The following DMD variants were observed in gnomAD, a reference collection of about 807,000 sequenced individuals.
The protein encoded by DMD is mutant dystrophin.
DMD carries 63 observed loss-of-function variants against 330.1 expected under a neutral mutation model. The ratio of observed to expected loss-of-function variants is 0.19; its 90% CI spans 0.16 to 0.24. The LOEUF (loss-of-function observed/expected upper bound fraction) is 0.24. Among genes scored for constraint, DMD ranks in the 10% least tolerant of loss-of-function variants. The pLI, the probability that DMD is intolerant of heterozygous loss-of-function variation, is 1.00. For missense variants in DMD, 3,344 were observed against 2,684.1 expected (o/e 1.25, Z -5.43); for synonymous variants, 1,223 against 959.8 (o/e 1.27, Z -5.07).
intron 2 of DMD, among the ~76,000 whole-genome samples, chrX:32,931,620 G>A (rs1355462202): frequency 1.8e-5 from 2 of 111,084 alleles, no homozygotes; most frequent in Non-Finnish European, 3.8e-5. Flanking sequence ...TGTATTCATA[G>A]TCACACACAT....
At chrX:31,627,519 C>G (rs2040563167) in intron 55 of DMD, among the ~76,000 whole-genome samples, 154 bp downstream of exon 55, 2 of 111,987 alleles carry the variant, frequency 1.8e-5, no homozygotes, top group Non-Finnish European at 3.8e-5. Flanking sequence ...CCTTCTCCCT[C>G]TGCCTCTCTC....
At chrX:32,167,879 G>A (rs953442137) in intron 44 of DMD, among the ~76,000 whole-genome samples, 8 of 112,169 alleles carry the variant, frequency 7.1e-5, no homozygotes, top group African/African-American at 2.6e-4. Context: ...AGGAGCATGA[G>A]GGAAATTCAA....
At chrX:31,946,415 C>T (rs1462639859) in intron 45 of DMD, among the ~76,000 whole-genome samples, 1 of 111,607 alleles carries the variant, frequency 9.0e-6, no homozygotes, top group Non-Finnish European at 1.9e-5. Flanking sequence ...TTCTACATTA[C>T]CTCTGGGCAT....
At chrX:31,222,744 T>A (rs933789596) in intron 64 of DMD, among the ~76,000 whole-genome samples, 44 of 112,122 alleles carry the variant, frequency 3.9e-4, no homozygotes, top group African/African-American at 1.3e-3. Flanking sequence ...GAACAAGGAT[T>A]GTGCAAGTTT....
chrX:31,187,852 C>G (rs904165244), intron 67 of DMD, among the ~76,000 whole-genome samples: 2 of 109,601 alleles, frequency 1.8e-5, no homozygotes, highest in South Asian at 4.0e-4. Flanking sequence ...GAATGGCTCT[C>G]GCATAGGGGC....
chrX:33,170,490 A>G (rs953277342), intron 1 of DMD, among the ~76,000 whole-genome samples: 1 of 111,504 alleles, frequency 9.0e-6, no homozygotes, highest in Non-Finnish European at 1.9e-5. Flanking sequence ...TAGAACTATG[A>G]TCCAAGCCAC....
At chrX:32,023,686 C>A (rs2095824047) in intron 44 of DMD, among the ~76,000 whole-genome samples, 2 of 111,446 alleles carry the variant, frequency 1.8e-5, no homozygotes, top group South Asian at 7.6e-4. Flanking sequence ...ATGCAATCAA[C>A]CTAGGTGCCC....
At chrX:32,728,375 C>A (rs961069530) in intron 7 of DMD, among the ~76,000 whole-genome samples, 2 of 111,467 alleles carry the variant, frequency 1.8e-5, no homozygotes, top group African/African-American at 6.5e-5. Context: ...TAAATGATCA[C>A]CATGTGAGGT....
At chrX:32,751,926 A>T (rs1243242242) in intron 7 of DMD, among the ~76,000 whole-genome samples, 1 of 112,788 alleles carries the variant, frequency 8.9e-6, no homozygotes, top group East Asian at 2.8e-4. Context: ...CGTCGTGTTG[A>T]GCCCGCAGGT....
At chrX:31,985,580 T>C (rs2095503635) in intron 44 of DMD, among the ~76,000 whole-genome samples, 1 of 112,518 alleles carries the variant, frequency 8.9e-6, no homozygotes, top group Non-Finnish European at 1.9e-5. Flanking sequence ...TATTTAAATA[T>C]ACAGAAGTAC....
At chrX:31,939,529 C>T (rs779642072) in intron 45 of DMD, among the ~76,000 whole-genome samples, 8 of 111,556 alleles carry the variant, frequency 7.2e-5, no homozygotes, top group Non-Finnish European at 1.3e-4. Context: ...TGAACACGGG[C>T]GAGTTCCTTA....
At chrX:31,994,903 G>A (rs2095574409) in intron 44 of DMD, among the ~76,000 whole-genome samples, 1 of 112,215 alleles carries the variant, frequency 8.9e-6, no homozygotes, top group Admixed American at 9.4e-5. Flanking sequence ...ACCAAGTCAG[G>A]AAATTCACTT....
chrX:32,970,901 T>C (rs2092354107), intron 2 of DMD, among the ~76,000 whole-genome samples: 1 of 69,457 alleles, frequency 1.4e-5, no homozygotes, highest in Admixed American at 1.3e-4. Context: ...GCAACCATTT[T>C]CTATTACTTT....
intron 1 of DMD, among the ~76,000 whole-genome samples, chrX:33,139,435 C>G (rs1021448923): frequency 8.1e-5 from 9 of 111,325 alleles, no homozygotes; most frequent in African/African-American, 2.6e-4. Context: ...CAACGTCTGT[C>G]TCCCAAGTAG....
intron 18 of DMD, among the ~76,000 whole-genome samples, chrX:32,508,274 G>T (rs1050175661): frequency 9.0e-6 from 1 of 111,399 alleles, no homozygotes; most frequent in Non-Finnish European, 1.9e-5. Flanking sequence ...CGATATCTGG[G>T]TTCTGTTAGG....
chrX:32,342,570 A>G (rs1022102776), intron 40 of DMD: 1 of 336,009 alleles, frequency 3.0e-6, no homozygotes. Flanking sequence ...GATTTGAAAC[A>G]ATTTGGAGTG....
At chrX:33,064,192 AT>A (rs2094616828) in intron 1 of DMD, among the ~76,000 whole-genome samples, 1 of 111,727 alleles carries the variant, frequency 9.0e-6, no homozygotes, top group Middle Eastern at 4.3e-3. Flanking sequence ...TGTCTATATG[AT>A]TTTATTATAC....
chrX:32,542,411 G>A (rs1204156593), intron 17 of DMD, among the ~76,000 whole-genome samples: 2 of 111,818 alleles, frequency 1.8e-5, no homozygotes, highest in Non-Finnish European at 3.8e-5. Flanking sequence ...CAGCCTGGGT[G>A]ACAGAGCAAG....
chrX:31,502,928 T>C (rs1416866144), intron 56 of DMD, among the ~76,000 whole-genome samples: 1 of 112,040 alleles, frequency 8.9e-6, no homozygotes, highest in Non-Finnish European at 1.9e-5. Flanking sequence ...TGTGTATGCA[T>C]GTGTGTGTAC....
Sources: allele counts gnomAD v4.1 joint callset (sites outside exome capture counted in the v4.1 genomes callset), GRCh38; gene constraint gnomAD v4.1.1; transcripts MANE v1.5; gene names NCBI Gene and HGNC (gene_info 2026-07-23, HGNC 2026-07-21).